NDUFS1: variants seen among roughly 807,000 people sequenced by gnomAD.
NDUFS1 encodes the protein NADH:ubiquinone oxidoreductase core subunit S1.
A neutral mutation model predicts 84.4 loss-of-function variants in NDUFS1; 61 were observed. That is an observed-to-expected ratio of 0.72 (90% CI 0.59 to 0.89). The LOEUF (loss-of-function observed/expected upper bound fraction) is 0.89, where lower values mean the gene tolerates loss of function less well. NDUFS1 is among the 40% of genes least tolerant of loss of function. The pLI, the probability that NDUFS1 is intolerant of heterozygous loss-of-function variation, is 0.00. For synonymous variants in NDUFS1, 275 were observed against 290.0 expected, an observed-to-expected ratio of 0.95 and a Z score of 0.53; for missense variants, 891 against 890.0, an observed-to-expected ratio of 1.00 and a Z score of -0.01.
chr2:206,142,052 T>G lies in NDUFS1; in HGVS notation c.1151A>C (p.Asn384Thr). Residue 384 changes from asparagine to threonine, a missense_variant, in exon 12 of 19, where the codon AAT (asparagine) becomes ACT (threonine). By Grantham distance (65) the Asn-to-Thr change is moderately conservative. Transcript: ENST00000233190. ...AGCAATTGTAGTATTAAGAAGATAATTGGAACGCAAATCTGTGCTAGAAAT... is the reference window on the plus strand; with the variant it reads ...AGCAATTGTAGTATTAAGAAGATAAGTGGAACGCAAATCTGTGCTAGAAAT... ...TAGAGTDLRS[N>T]YLLNTTIAGV... is the part of the protein sequence containing the mutation. 1 of 1,601,748 alleles carries G rather than the reference T, an allele frequency of 6.2e-7. No homozygotes were observed. The highest frequency in any genetic ancestry group is 8.6e-7 in the Non-Finnish European group (1 of 1,168,812).
chr2:206,123,803 C>T lies in NDUFS1; in HGVS notation c.*382G>A, dbSNP rs568999664. 2.3e-5 allele frequency: 4 copies of T among 175,090 alleles called. No homozygotes were observed. The South Asian group carries it at 5.7e-4, about 25-fold the overall frequency. 10.8% of individuals were successfully genotyped at this position (175,090 alleles called of 1,614,324 possible). ...CCTATTTACCCAGCTTGACAAGGTG[C>T]TTAAATCTTTTCTTTAGCACTAGAA... On this transcript the variant is annotated 3_prime_UTR_variant, in exon 19 of 19. Transcript: ENST00000233190.
At position 206,124,036 on chromosome 2, in the gene NDUFS1, C is replaced by T. The variant is rs1184260338; in HGVS notation, c.*149G>A. The T allele has an allele frequency of 1.6e-6, 1 of 634,824 alleles. No individual in the cohort carries two copies. The highest frequency in any genetic ancestry group is 2.8e-6 in the Non-Finnish European group (1 of 362,450). 39.3% of individuals were successfully genotyped at this position (634,824 alleles called of 1,614,324 possible). A position where few individuals can be genotyped will look rare whatever the true frequency, so the allele number is the denominator to read the frequency against. On this transcript the variant is annotated 3_prime_UTR_variant, in exon 19 of 19. Transcript: ENST00000233190. Reference sequence around the variant, plus strand: ...AAACTGCAAAGTTGATAACTAATATCATTTTCAAATAGGCATAGTATAACC... The same window carrying T: ...AAACTGCAAAGTTGATAACTAATATTATTTTCAAATAGGCATAGTATAACC...
In NDUFS1 at chr2:206,132,955, T is replaced by C. The variant is rs1691569489; in HGVS notation, c.1543A>G (p.Ile515Val). Reference sequence around the variant, plus strand: ...AATTACTCAACAAACCTATGAAGGATATTCATAACTTTCCAATCACCAGTA... The same window carrying C: ...AATTACTCAACAAACCTATGAAGGACATTCATAACTTTCCAATCACCAGTA... ...GVTGDWKVMNILHRIASQVAA... is the reference protein window; with the variant it reads ...GVTGDWKVMNVLHRIASQVAA... Residue 515 changes from isoleucine to valine, a missense_variant, in exon 14 of 19, where the codon ATC becomes GTC. Physicochemically the swap from Ile to Val is conservative, Grantham distance 29. Transcript: ENST00000233190. 1 of 1,612,852 alleles carries C rather than the reference T, an allele frequency of 6.2e-7. No individual in the cohort carries two copies. Among genetic ancestry groups the C allele is most frequent in the South Asian group, 1.1e-5 (1 of 91,026 alleles).
chr2:206,155,163 G>A (rs1006149395), intron 1 of NDUFS1, among the ~76,000 whole-genome samples: 5 of 151,940 alleles, frequency 3.3e-5, no homozygotes, highest in African/African-American at 9.7e-5. Context: ...CTGTTGCCCA[G>A]GCTGGAGTGC....
chr2:206,128,559 C>T (rs1370221257), intron 15 of NDUFS1, among the ~76,000 whole-genome samples: 1 of 151,744 alleles, frequency 6.6e-6, no homozygotes, highest in East Asian at 2.0e-4. Flanking sequence ...GGACAGATGA[C>T]TTGAGGCCAG....
chr2:206,147,701 T>C (rs775362381), intron 6 of NDUFS1, 40 bp from the exon 7 acceptor site: 15 of 1,613,926 alleles, frequency 9.3e-6, no homozygotes, highest in Non-Finnish European at 3.4e-6. Flanking sequence ...ATGCTGCTAA[T>C]AAAATTAAAA....
intron 18 of NDUFS1, among the ~76,000 whole-genome samples, chr2:206,125,332 T>C: frequency 6.6e-6 from 1 of 151,962 alleles, no homozygotes; most frequent in Non-Finnish European, 1.5e-5. Flanking sequence ...TGTGGTGGTA[T>C]GCGCCTATAG....
chr2:206,138,934 T>C (rs1321227986), intron 12 of NDUFS1, among the ~76,000 whole-genome samples: 2 of 152,028 alleles, frequency 1.3e-5, no homozygotes, highest in African/African-American at 2.4e-5. Context: ...CTGACCAACA[T>C]GGTGAAACCC....
At position 206,130,083 on chromosome 2, in the gene NDUFS1, C is replaced by G. The variant is rs747704163; in HGVS notation, c.1708+5G>C. On this transcript the variant is annotated splice_donor_5th_base_variant and intron_variant, in intron 15 of 18. Coordinates refer to ENST00000233190, the MANE Select transcript of NDUFS1 (RefSeq NM_005006.7). ...TTTGTTTCTGGTGTCACAGGTGATA[C>G]TTACCTTGATAAATAATGAAACAAT... The G allele has an allele frequency of 2.5e-6, 4 of 1,613,976 alleles. No individual in the cohort carries two copies. The African/African-American group carries it at 4.0e-5, about 16-fold the overall frequency.
Position 206,132,970 on chromosome 2 carries a change from A to C in NDUFS1, c.1528T>G (p.Trp510Gly), listed in dbSNP as rs1013685681. The change falls in exon 14 of 19, where the codon TGG becomes GGG. Residue 510 changes from tryptophan (W) to glycine (G), a missense_variant. Physicochemically the swap from Trp to Gly is radical, Grantham distance 184. Transcript: ENST00000233190. The stretch of plus-strand genomic sequence containing the variant: ...CTATGAAGGATATTCATAACTTTCC[A>C]ATCACCAGTAACACCACTAGTCATC... ...IRMTSGVTGD[W>G]KVMNILHRIA... 1 of 1,613,984 alleles carries C rather than the reference A, an allele frequency of 6.2e-7. No homozygotes were observed. The highest frequency in any genetic ancestry group is 8.5e-7 in the Non-Finnish European group (1 of 1,179,914).
intron 13 of NDUFS1, 121 bp from the exon 14 acceptor site, chr2:206,133,226 T>G: frequency 1.3e-6 from 1 of 771,348 alleles, no homozygotes; most frequent in South Asian, 1.8e-5. Flanking sequence ...ATGTCTTCAA[T>G]TTGTTAGCCC....
At chr2:206,133,481 T>C (rs1691592707) in intron 13 of NDUFS1, among the ~76,000 whole-genome samples, 1 of 152,236 alleles carries the variant, frequency 6.6e-6, no homozygotes. Context: ...TTAAGTATCA[T>C]GCCTACTATC....
At chr2:206,136,762 C>G (rs1278574392) in intron 13 of NDUFS1, among the ~76,000 whole-genome samples, 2 of 139,558 alleles carry the variant, frequency 1.4e-5, no homozygotes, top group Non-Finnish European at 3.1e-5. Flanking sequence ...TTCTTTTTTT[C>G]TTTTTTTTTT....
At chr2:206,126,128 T>C (rs748831435) in intron 18 of NDUFS1, among the ~76,000 whole-genome samples, 1 of 152,212 alleles carries the variant, frequency 6.6e-6, no homozygotes, top group Non-Finnish European at 1.5e-5. Flanking sequence ...TCAGTTTGTC[T>C]GCATTCCTTA....
rs530036654 is a variant in NDUFS1, at chr2:206,122,644, A to C, written c.*1541T>G. On this transcript the variant is annotated 3_prime_UTR_variant, in exon 19 of 19. Coordinates refer to ENST00000233190, the MANE Select transcript of NDUFS1 (RefSeq NM_005006.7). ...GACTCCATCTCAAAAAAAAAAAAAA[A>C]ACAAAGGGAAAAAGGGCATCCTATA... The C allele has an allele frequency of 2.6e-5, 4 of 151,624 alleles. No individual in the cohort carries two copies. The East Asian group carries it at 5.8e-4, about 22-fold the overall frequency. The allele number at this position is 151,624 out of a possible 1,614,324, so 9.4% of individuals were successfully genotyped here.
chr2:206,128,205 G>A (rs1036667356), intron 15 of NDUFS1, among the ~76,000 whole-genome samples: 2 of 151,444 alleles, frequency 1.3e-5, no homozygotes, highest in Non-Finnish European at 2.9e-5. Flanking sequence ...TCGCTCTGTC[G>A]CCCAGGCTGG....
At chr2:206,155,306 G>A (rs1040737706) in intron 1 of NDUFS1, among the ~76,000 whole-genome samples, 49 of 151,704 alleles carry the variant, frequency 3.2e-4, no homozygotes, top group African/African-American at 1.1e-3. Flanking sequence ...TAGTAGAGAC[G>A]GGGTTTCATC....
chr2:206,122,127 T>C lies in NDUFS1; in HGVS notation c.*2058A>G, dbSNP rs1021087967. 1.3e-5 allele frequency: 2 copies of C among 152,044 alleles called. No individual in the cohort carries two copies. Among genetic ancestry groups the C allele is most frequent in the African/African-American group, 4.8e-5 (2 of 41,408 alleles). 9.4% of individuals were successfully genotyped at this position (152,044 alleles called of 1,614,324 possible). On this transcript the variant is annotated 3_prime_UTR_variant, in exon 19 of 19. Transcript: ENST00000233190. ...TAAAAGCTGGTACAGGTGACAAATT[T>C]TGTGCAATTTTAAGTTTTACATTTT...
At chr2:206,137,739 T>G (rs1691776232) in intron 13 of NDUFS1, among the ~76,000 whole-genome samples, 1 of 151,646 alleles carries the variant, frequency 6.6e-6, no homozygotes. Context: ...ACAAAATGAA[T>G]TAAAGAAAGA....
Sources: allele counts gnomAD v4.1 joint callset (sites outside exome capture counted in the v4.1 genomes callset), GRCh38; gene constraint gnomAD v4.1.1; transcripts MANE v1.5; gene names NCBI Gene and HGNC (gene_info 2026-07-23, HGNC 2026-07-21).